Variants in VANGL1 observed in about 807,000 individuals in gnomAD.
The protein encoded by VANGL1 is VANGL planar cell polarity protein 1.
In VANGL1, 18 loss-of-function variants were observed where a neutral mutation model predicts 48.4. The observed-to-expected ratio is 0.37, with a 90% CI of 0.26 to 0.55. VANGL1 has a LOEUF of 0.55. Ranked by LOEUF, VANGL1 falls within the 20% of genes least tolerant of loss-of-function variation. The pLI is 0.81. For synonymous variants in VANGL1, 257 were observed against 261.8 expected (o/e 0.98, Z 0.18); for missense variants, 667 against 675.8 (o/e 0.99, Z 0.14).
Position 115,685,407 on chromosome 1 carries a change from C to A in VANGL1, c.1194C>A (p.Phe398Leu). The A allele has an allele frequency of 6.2e-7, 1 of 1,614,168 alleles. No homozygotes were observed. Among genetic ancestry groups the A allele is most frequent in the Non-Finnish European group, 8.5e-7 (1 of 1,180,022 alleles). ...MDPREAAQAI[F>L]PSMARALQKY... ...CTAGGGAGGCCGCCCAGGCCATTTT[C>A]CCCTCCATGGCCAGGGCTCTCCAGA... is the stretch of plus-strand genomic sequence containing the variant. The change falls in exon 7 of 8, where the codon TTC becomes TTA. Residue 398 changes from phenylalanine to leucine, a missense_variant. By Grantham distance (22) the Phe-to-Leu change is conservative. Transcript: ENST00000355485.
At position 115,694,488 on chromosome 1, in the gene VANGL1, C is replaced by T. The variant is rs1033365624; in HGVS notation, c.*3109C>T. 2 of 152,204 alleles carry T rather than the reference C, an allele frequency of 1.3e-5. No homozygotes were observed. The highest frequency in any genetic ancestry group is 2.9e-5 in the Non-Finnish European group (2 of 68,054). The allele number at this position is 152,204 out of a possible 1,614,324, so 9.4% of individuals were successfully genotyped here. ...AAAGTGCTCACCCCTGCCCTCTCTACAGTAGTTGGTGGTAGATTTCTCTCT... is the reference window on the plus strand; with the variant it reads ...AAAGTGCTCACCCCTGCCCTCTCTATAGTAGTTGGTGGTAGATTTCTCTCT... On this transcript the variant is annotated 3_prime_UTR_variant, in exon 8 of 8. Transcript: ENST00000355485.
chr1:115,655,271 GA>G (rs1484335014), intron 2 of VANGL1, among the ~76,000 whole-genome samples: 4 of 152,206 alleles, frequency 2.6e-5, no homozygotes, highest in Non-Finnish European at 4.4e-5. Flanking sequence ...GCAAACAACA[GA>G]AACAGGACTA....
At chr1:115,648,776 C>T (rs1570735232) in intron 1 of VANGL1, among the ~76,000 whole-genome samples, 2 of 152,302 alleles carry the variant, frequency 1.3e-5, no homozygotes, top group African/African-American at 2.4e-5. Flanking sequence ...CCCACATCTG[C>T]GGGGCCTGGG....
Position 115,693,534 on chromosome 1 carries a change from T to A in VANGL1, c.*2155T>A, listed in dbSNP as rs563303749. 1 of 152,522 alleles carries A rather than the reference T, an allele frequency of 6.6e-6. No homozygotes were observed. Among genetic ancestry groups the A allele is most frequent in the African/African-American group, 2.4e-5 (1 of 41,590 alleles). The allele number at this position is 152,522 out of a possible 1,614,324, so 9.4% of individuals were successfully genotyped here. Reference sequence around the variant, plus strand: ...TTTAAATTAAAGAATTTATTTTCTCTCTCCCCCTTCCTCTTTCTCCCAGTC... The same window carrying A: ...TTTAAATTAAAGAATTTATTTTCTCACTCCCCCTTCCTCTTTCTCCCAGTC... On this transcript the variant is annotated 3_prime_UTR_variant, in exon 8 of 8. Transcript: ENST00000355485.
chr1:115,674,897 G>C (rs1256998003), intron 4 of VANGL1, among the ~76,000 whole-genome samples: 1 of 152,138 alleles, frequency 6.6e-6, no homozygotes, highest in Non-Finnish European at 1.5e-5. Context: ...CCACAATCAA[G>C]TTCAAGGGAG....
chr1:115,652,662 A>G (rs960472141), intron 2 of VANGL1, among the ~76,000 whole-genome samples: 1 of 152,088 alleles, frequency 6.6e-6, no homozygotes, highest in Non-Finnish European at 1.5e-5. Flanking sequence ...GGGAATAGTG[A>G]TTGTAGTGGT....
At position 115,694,760 on chromosome 1, in the gene VANGL1, CAT is replaced by C. The variant is rs1653973249; in HGVS notation, c.*3386_*3387del. The C allele has an allele frequency of 6.6e-6, 1 of 152,104 alleles. No individual in the cohort carries two copies. The highest frequency in any genetic ancestry group is 2.4e-5 in the African/African-American group (1 of 41,414). 9.4% of individuals were successfully genotyped at this position (152,104 alleles called of 1,614,324 possible). A position where few individuals can be genotyped will look rare whatever the true frequency, so the allele number is the denominator to read the frequency against. ...ATATTTGTTTGTGCGTTTTTATTTC[CAT>C]ATATGTGAGCATTTCTCTGAGTGTA... On this transcript the variant is annotated 3_prime_UTR_variant, in exon 8 of 8. Coordinates refer to ENST00000355485, the MANE Select transcript of VANGL1 (RefSeq NM_138959.3).
At chr1:115,656,914 G>A (rs1652373561) in intron 2 of VANGL1, among the ~76,000 whole-genome samples, 1 of 152,240 alleles carries the variant, frequency 6.6e-6, no homozygotes, top group Admixed American at 6.5e-5. Flanking sequence ...GATGGGTTAG[G>A]TGAGCATGTG....
intron 7 of VANGL1, among the ~76,000 whole-genome samples, chr1:115,688,646 G>A (rs776768499): frequency 7.3e-6 from 1 of 137,798 alleles, no homozygotes; most frequent in Non-Finnish European, 1.6e-5. Context: ...CCCTCCTAGG[G>A]GGTGTACTTT....
rs991326998 is a variant in VANGL1 at position 115,688,189 on chromosome 1, TC to T, written c.1314+2664del. ...CTTAAAGTCATCCGTTGGCTGTCTT[TC>T]CAAGTCAATACATACAGATCTTACT... On this transcript the variant is annotated intron_variant, in intron 7 of 7. Coordinates refer to ENST00000355485, the MANE Select transcript of VANGL1 (RefSeq NM_138959.3). Among the ~76,000 whole-genome samples the T allele has an allele frequency of 5.1e-4, 70 of 138,070 alleles. 14 individuals are homozygous for T. The highest frequency in any genetic ancestry group is 1.8e-3 in the African/African-American group (67 of 36,672). 90.6% of individuals were successfully genotyped at this position (138,070 alleles called of 152,430 possible).
At chr1:115,664,633 C>T (rs950885536) in intron 4 of VANGL1, among the ~76,000 whole-genome samples, 12 of 152,146 alleles carry the variant, frequency 7.9e-5, no homozygotes, top group African/African-American at 2.9e-4. Context: ...TCCATTTTGT[C>T]CCAAATGTGA....
At chr1:115,646,783 C>T (rs144744904) in intron 1 of VANGL1, among the ~76,000 whole-genome samples, 1 of 152,158 alleles carries the variant, frequency 6.6e-6, no homozygotes, top group East Asian at 1.9e-4. Context: ...AGTGATCACA[C>T]AAACAAATGT....
chr1:115,655,226 A>G (rs1036259893), intron 2 of VANGL1, among the ~76,000 whole-genome samples: 1 of 152,200 alleles, frequency 6.6e-6, no homozygotes, highest in African/African-American at 2.4e-5. Context: ...AGGGAGGAGT[A>G]ACCGGTGGGG....
intron 2 of VANGL1, among the ~76,000 whole-genome samples, chr1:115,658,554 G>C (rs1652429582): frequency 6.6e-6 from 1 of 152,222 alleles, no homozygotes; most frequent in Non-Finnish European, 1.5e-5. Context: ...TGGTAGGGCA[G>C]ATCCAAGATC....
At chr1:115,690,103 A>C (rs1379465930) in intron 7 of VANGL1, among the ~76,000 whole-genome samples, 1 of 136,232 alleles carries the variant, frequency 7.3e-6, no homozygotes, top group African/African-American at 2.7e-5. Flanking sequence ...ATGCTGTCAA[A>C]CTCCTAGTAT....
intron 1 of VANGL1, among the ~76,000 whole-genome samples, chr1:115,650,540 T>C (rs1426332578): frequency 6.6e-6 from 1 of 152,204 alleles, no homozygotes; most frequent in Non-Finnish European, 1.5e-5. Flanking sequence ...AGCAATTTTA[T>C]ACAATTGTAA....
chr1:115,648,581 G>T (rs1652020124), intron 1 of VANGL1, among the ~76,000 whole-genome samples: 1 of 152,190 alleles, frequency 6.6e-6, no homozygotes, highest in Non-Finnish European at 1.5e-5. Flanking sequence ...AGAGGGGGAA[G>T]GGAATAAAAC....
Position 115,685,295 on chromosome 1 carries a change from T to A in VANGL1, c.1082T>A (p.Leu361Gln). Reference sequence around the variant, plus strand: ...CTTAGTGTTGCATCACCTTCTAGGCTGGTGGTTGCAGTGGAAGAGGCCTTC... The same window carrying A: ...CTTAGTGTTGCATCACCTTCTAGGCAGGTGGTTGCAGTGGAAGAGGCCTTC... ...ERRVKKRKAR[L>Q]VVAVEEAFIH... is the part of the protein sequence containing the mutation. Residue 361 changes from leucine to glutamine, a missense_variant and splice_region_variant, in exon 7 of 8, where the codon CTG (leucine) becomes CAG (glutamine). Physicochemically the swap from Leu to Gln is moderately radical, Grantham distance 113. Transcript: ENST00000355485. The A allele has an allele frequency of 6.2e-7, 1 of 1,614,112 alleles. No individual in the cohort carries two copies. The highest frequency in any genetic ancestry group is 8.5e-7 in the Non-Finnish European group (1 of 1,179,988).
chr1:115,663,379 G>A (rs149732022), intron 3 of VANGL1, among the ~76,000 whole-genome samples: 75 of 152,316 alleles, frequency 4.9e-4, no homozygotes, highest in African/African-American at 1.8e-3. Flanking sequence ...TTTCAACCCA[G>A]GGGATGATAA....
Sources: allele counts gnomAD v4.1 joint callset (sites outside exome capture counted in the v4.1 genomes callset), GRCh38; gene constraint gnomAD v4.1.1; transcripts MANE v1.5; gene names NCBI Gene and HGNC (gene_info 2026-07-23, HGNC 2026-07-21).